Variants in STXBP4 observed in about 807,000 individuals in gnomAD.
STXBP4 encodes syntaxin-binding protein 4.
STXBP4 carries 55 observed loss-of-function variants against 76.1 expected under a neutral mutation model. That is an observed-to-expected ratio of 0.72 (90% CI 0.58 to 0.91). The LOEUF is 0.91. Among genes scored for constraint, STXBP4 ranks in the 40% least tolerant of loss-of-function variants. STXBP4 has a pLI of 0.00. For missense variants in STXBP4, 618 were observed against 636.9 expected (o/e 0.97, Z 0.32); for synonymous variants, 201 against 220.2 (o/e 0.91, Z 0.77).
intron 11 of STXBP4, among the ~76,000 whole-genome samples, chr17:55,045,728 G>A (rs1470617122): frequency 6.6e-6 from 1 of 151,916 alleles, no homozygotes; most frequent in Non-Finnish European, 1.5e-5. Flanking sequence ...GTTAGAATAT[G>A]GTACAAAAAT....
At chr17:55,155,681 T>C (rs2080269507) in intron 17 of STXBP4, among the ~76,000 whole-genome samples, 1 of 152,126 alleles carries the variant, frequency 6.6e-6, no homozygotes, top group Non-Finnish European at 1.5e-5. Context: ...CAGACGGTTA[T>C]AAGAATGAAT....
At chr17:55,075,183 A>G (rs2079166402) in intron 13 of STXBP4, among the ~76,000 whole-genome samples, 2 of 151,998 alleles carry the variant, frequency 1.3e-5, no homozygotes, top group Non-Finnish European at 2.9e-5. Context: ...TCTTGGATTT[A>G]TTCTTAACCA....
intron 16 of STXBP4, among the ~76,000 whole-genome samples, chr17:55,084,093 A>G (rs1254656245): frequency 6.6e-6 from 1 of 152,098 alleles, no homozygotes; most frequent in Non-Finnish European, 1.5e-5. Flanking sequence ...TTACAGTCCC[A>G]CCAACAGTGT....
intron 8 of STXBP4, 47 bp from the exon 9 acceptor site, chr17:55,031,121 C>T (rs1414373640): frequency 8.4e-6 from 12 of 1,421,962 alleles, no homozygotes; most frequent in Non-Finnish European, 1.1e-5. Flanking sequence ...AAGTTTTATT[C>T]TTTGGAGATT....
chr17:55,108,211 G>C (rs2079659879), intron 16 of STXBP4, among the ~76,000 whole-genome samples: 1 of 152,142 alleles, frequency 6.6e-6, no homozygotes, highest in Admixed American at 6.5e-5. Context: ...TACACTCTGA[G>C]GGGAAAACCA....
At chr17:55,102,968 G>A (rs1454538470) in intron 16 of STXBP4, among the ~76,000 whole-genome samples, 8 of 152,112 alleles carry the variant, frequency 5.3e-5, no homozygotes, top group Non-Finnish European at 1.2e-4. Flanking sequence ...ACTTTTTGAT[G>A]GGGTTGTTTG....
At chr17:55,076,196 T>C (rs2079179685) in intron 13 of STXBP4, among the ~76,000 whole-genome samples, 1 of 152,166 alleles carries the variant, frequency 6.6e-6, no homozygotes, top group Non-Finnish European at 1.5e-5. Context: ...TTTTTGTCAG[T>C]ATTTTAGTTC....
At chr17:54,973,677 T>A (rs1021693394) in intron 1 of STXBP4, among the ~76,000 whole-genome samples, 1 of 152,256 alleles carries the variant, frequency 6.6e-6, no homozygotes, top group African/African-American at 2.4e-5. Flanking sequence ...GTGCTTGTAA[T>A]AATACATAAA....
chr17:54,977,202 A>G (rs2077485823), intron 1 of STXBP4, among the ~76,000 whole-genome samples: 1 of 152,232 alleles, frequency 6.6e-6, no homozygotes, highest in South Asian at 2.1e-4. Context: ...TCTTGAAAGA[A>G]AAAAACATGC....
chr17:55,185,257 C>T, the STXBP4 span, among the ~76,000 whole-genome samples: 3,606 of 52,050 alleles, frequency 0.069, 165 homozygotes, highest in African/African-American at 0.2. Context: ...TTCTCCTTCT[C>T]CTTCTCCTTC....
At chr17:55,060,807 A>G (rs912834648) in intron 12 of STXBP4, among the ~76,000 whole-genome samples, 1 of 152,116 alleles carries the variant, frequency 6.6e-6, no homozygotes, top group African/African-American at 2.4e-5. Flanking sequence ...GGCATGGGCC[A>G]CTCTTAGCGA....
chr17:55,113,160 G>T (rs1468441806), intron 16 of STXBP4, among the ~76,000 whole-genome samples: 1 of 149,358 alleles, frequency 6.7e-6, no homozygotes, highest in Non-Finnish European at 1.5e-5. Context: ...TAAGAAAAAT[G>T]GTATAGGATA....
In STXBP4 at chr17:55,172,727, GC is replaced by G. The variant is rs1193294638; in HGVS notation, c.*12817del. On this transcript the variant is annotated 3_prime_UTR_variant, in exon 18 of 18. Transcript: ENST00000376352. Reference sequence around the variant, plus strand: ...AATTTGCATATGAGAAAAAACTAAGGCTCGGATGAGTTATGTGACTTCCCTG... The same window carrying G: ...AATTTGCATATGAGAAAAAACTAAGGTCGGATGAGTTATGTGACTTCCCTG... The G allele has an allele frequency of 6.6e-6, 1 of 152,134 alleles. No individual in the cohort carries two copies. Among genetic ancestry groups the G allele is most frequent in the East Asian group, 1.9e-4 (1 of 5,200 alleles). The allele number at this position is 152,134 out of a possible 1,614,324, so 9.4% of individuals were successfully genotyped here.
At chr17:55,097,522 G>A (rs2079505755) in intron 16 of STXBP4, among the ~76,000 whole-genome samples, 1 of 152,070 alleles carries the variant, frequency 6.6e-6, no homozygotes, top group Non-Finnish European at 1.5e-5. Flanking sequence ...AATTAGCTGG[G>A]CGTGGTGGCG....
chr17:55,024,558 T>A (rs2078378918), intron 8 of STXBP4, among the ~76,000 whole-genome samples: 1 of 152,158 alleles, frequency 6.6e-6, no homozygotes, highest in Non-Finnish European at 1.5e-5. Context: ...TATGTAACAT[T>A]AGCAAGGAGA....
intron 16 of STXBP4, among the ~76,000 whole-genome samples, chr17:55,105,065 A>G (rs189676): frequency 0.35 from 53,660 of 151,884 alleles, 10,467 homozygotes; most frequent in East Asian, 0.54. Context: ...AATCTTCTCA[A>G]AAAAACAGCT....
the STXBP4 span, among the ~76,000 whole-genome samples, chr17:55,189,468 A>G: frequency 1.3e-5 from 2 of 152,176 alleles, no homozygotes; most frequent in African/African-American, 4.8e-5. Flanking sequence ...CCCAGTTCCA[A>G]CAAATGGATG....
intron 13 of STXBP4, among the ~76,000 whole-genome samples, chr17:55,075,131 T>C (rs1156743041): frequency 6.6e-6 from 1 of 152,064 alleles, no homozygotes; most frequent in African/African-American, 2.4e-5. Context: ...AGTGTTTCTC[T>C]CCAATTGCAT....
chr17:55,149,409 A>G (rs2145171262), intron 17 of STXBP4, among the ~76,000 whole-genome samples: 1 of 152,340 alleles, frequency 6.6e-6, no homozygotes, highest in African/African-American at 2.4e-5. Context: ...TGACCTTGGT[A>G]GTGGTAAGTT....
Sources: gnomAD v4.1 joint callset for allele counts (sites outside exome capture counted in the v4.1 genomes callset) on GRCh38, gnomAD v4.1.1 for gene constraint, MANE v1.5 for transcripts, NCBI Gene and HGNC (gene_info 2026-07-23, HGNC 2026-07-21) for gene names.